The following SEMA3F variants were observed in gnomAD, a reference collection of about 807,000 sequenced individuals.
SEMA3F encodes the protein semaphorin 3F, also known as semaphorin-3F.
In SEMA3F, 30 loss-of-function variants were observed where a neutral mutation model predicts 98.5. The ratio of observed to expected loss-of-function variants is 0.30; its 90% CI spans 0.23 to 0.41. The LOEUF (loss-of-function observed/expected upper bound fraction) is 0.41. Ranked by LOEUF, SEMA3F falls within the 10% of genes least tolerant of loss-of-function variation. The probability of loss-of-function intolerance (pLI) is 1.00; values close to 1 mark genes in which losing one functional copy is unlikely to be tolerated. For synonymous variants in SEMA3F, 380 were observed against 444.8 expected (o/e 0.85, Z 1.83); for missense variants, 866 against 1,119.3 (o/e 0.77, Z 3.23).
At chr3:50,176,568 C>T (rs1559730666) in intron 6 of SEMA3F, among the ~76,000 whole-genome samples, 200 bp from the exon 7 acceptor site, 1 of 152,094 alleles carries the variant, frequency 6.6e-6, no homozygotes, top group South Asian at 2.1e-4. Context: ...CTAGGAAGCA[C>T]CCCCCTTGGA....
intron 2 of SEMA3F, among the ~76,000 whole-genome samples, chr3:50,163,303 TC>T (rs1698281184): frequency 6.6e-6 from 1 of 152,184 alleles, no homozygotes; most frequent in Admixed American, 6.5e-5. Flanking sequence ...AGGCTATAAA[TC>T]CGGCCCTCCA....
intron 7 of SEMA3F, among the ~76,000 whole-genome samples, chr3:50,178,992 C>T (rs957430827): frequency 6.6e-6 from 1 of 151,768 alleles, no homozygotes; most frequent in Non-Finnish European, 1.5e-5. Flanking sequence ...CCACCATACC[C>T]AGCTAATTTT....
intron 1 of SEMA3F, among the ~76,000 whole-genome samples, chr3:50,157,164 A>C (rs1410095043): frequency 7.0e-6 from 1 of 142,034 alleles, no homozygotes. Flanking sequence ...GTCCACCCCC[A>C]CCCCCAACTC....
intron 11 of SEMA3F, 55 bp from the exon 12 acceptor site, chr3:50,183,365 G>C: frequency 6.2e-7 from 1 of 1,607,532 alleles, no homozygotes. Context: ...GCAGTTTGGG[G>C]AGGGGCCCTA....
At position 50,182,359 on chromosome 3, in the gene SEMA3F, A is replaced by G; in HGVS notation, c.719A>G (p.Gln240Arg). ...DAAIFRTLGK[Q>R]TAMRTDQYNS... The stretch of plus-strand genomic sequence containing the variant: ...GCCATCTTCCGCACACTTGGAAAGC[A>G]GACAGCCATGCGCACGGATCAGTAC... Residue 240 changes from glutamine to arginine, a missense_variant, in exon 8 of 19, where the codon CAG becomes CGG. This residue lies in a region of SEMA3F where 374 missense variants were observed against 582.8 expected (regional missense o/e 0.64). Transcript: ENST00000002829. The surrounding 1 kb of genome is among the most constrained non-coding windows in gnomAD (Gnocchi z 4.5). 6.2e-7 allele frequency: 1 copy of G among 1,614,086 alleles called. No individual in the cohort carries two copies. Among genetic ancestry groups the G allele is most frequent in the Non-Finnish European group, 8.5e-7 (1 of 1,180,032 alleles).
At chr3:50,174,829 A>C (rs57547682) in intron 5 of SEMA3F, among the ~76,000 whole-genome samples, 115 of 151,806 alleles carry the variant, frequency 7.6e-4, no homozygotes, top group African/African-American at 2.7e-3. Context: ...GCCTGCTTCC[A>C]CCCTTTTCCA....
At chr3:50,186,539 G>A (rs995749493) in intron 17 of SEMA3F, 74 bp from the exon 18 acceptor site, 18 of 1,541,230 alleles carry the variant, frequency 1.2e-5, no homozygotes, top group South Asian at 3.7e-5. Flanking sequence ...GGTGCCCCTC[G>A]GTGCCTGCCC....
At chr3:50,169,366 G>C (rs935390666) in intron 2 of SEMA3F, among the ~76,000 whole-genome samples, 1 of 152,206 alleles carries the variant, frequency 6.6e-6, no homozygotes, top group Non-Finnish European at 1.5e-5. Context: ...GTGCCAGGCC[G>C]CTTTGGGCTG....
rs1249820711 is a variant in SEMA3F at position 50,174,109 on chromosome 3, G to A, written c.331G>A (p.Val111Ile). 6.2e-7 allele frequency: 1 copy of A among 1,614,142 alleles called. No individual in the cohort carries two copies. Among genetic ancestry groups the A allele is most frequent in the Non-Finnish European group, 8.5e-7 (1 of 1,180,006 alleles). Residue 111 changes from valine to isoleucine, a missense_variant, in exon 4 of 19, where the codon GTC (valine) becomes ATC (isoleucine). Physicochemically the swap from Val to Ile is conservative, Grantham distance 29. This residue lies in a region of SEMA3F where 247 missense variants were observed against 276.0 expected (regional missense o/e 0.89). Coordinates refer to ENST00000002829, the MANE Select transcript of SEMA3F (RefSeq NM_004186.5). ...GGAATGCGTGCTCTCAGGCAAGGAT[G>A]TCAACGTGAGTTTGGTGGGATCCAC... ...IEECVLSGKDVNGECGNFVRL... is the reference protein window; with the variant it reads ...IEECVLSGKDINGECGNFVRL...
At chr3:50,186,159 G>A (rs1699202466) in intron 16 of SEMA3F, 113 bp downstream of exon 16, 1 of 1,452,738 alleles carries the variant, frequency 6.9e-7, no homozygotes, top group African/African-American at 1.4e-5. Context: ...CCCTAGGGGA[G>A]TCTTATGGGT....
Position 50,182,660 on chromosome 3 carries a change from T to C in SEMA3F, c.780T>C (p.His260=), listed in dbSNP as rs923959560. The change falls in exon 9 of 19, where the codon CAT becomes CAC. Residue 260 remains histidine (H), a synonymous_variant. Transcript: ENST00000002829. This position sits in a 1 kb window ranked among gnomAD's most constrained non-coding sequence, Gnocchi z 4.5. ...CACCTGCAGACCCGTCGTTCATCCA[T>C]GCTGAGCTCATTCCTGACAGTGCGG... ...SRWLNDPSFI[H]AELIPDSAER... The C allele has an allele frequency of 6.2e-7, 1 of 1,613,554 alleles. No individual in the cohort carries two copies. The highest frequency in any genetic ancestry group is 8.5e-7 in the Non-Finnish European group (1 of 1,179,894).
intron 6 of SEMA3F, among the ~76,000 whole-genome samples, 200 bp from the exon 7 acceptor site, chr3:50,176,567 AC>A (rs926428355): frequency 3.3e-5 from 5 of 151,110 alleles, no homozygotes; most frequent in African/African-American, 4.9e-5. Context: ...ACTAGGAAGC[AC>A]CCCCCTTGGA....
In SEMA3F at chr3:50,173,914, G is replaced by A; in HGVS notation, c.234G>A (p.Leu78=). Residue 78 remains leucine (L), a synonymous_variant, in exon 3 of 19, where the codon CTG becomes CTA. Transcript: ENST00000002829. ...ACGTGGGCAGCAAGGACTACGTGCT[G>A]TCCCTGGACCTGCACGACATCAACC... ...RMYVGSKDYV[L]SLDLHDINRE... 6.2e-7 allele frequency: 1 copy of A among 1,614,168 alleles called. No homozygotes were observed. Among genetic ancestry groups the A allele is most frequent in the East Asian group, 2.2e-5 (1 of 44,886 alleles).
chr3:50,185,821 AG>A (rs1559739300), intron 15 of SEMA3F, 67 bp from the exon 16 acceptor site: 11 of 1,605,588 alleles, frequency 6.9e-6, no homozygotes, highest in Admixed American at 1.7e-5. Flanking sequence ...AGAGGAGCCC[AG>A]CCTAGCTGGC....
chr3:50,185,405 T>A, intron 13 of SEMA3F, 38 bp from the exon 14 acceptor site: 2,287 of 989,420 alleles, frequency 2.3e-3, no homozygotes, highest in Non-Finnish European at 3.3e-3. Context: ...TTCCCCAGCA[T>A]CCCCAGCCCC....
rs78974255 is a variant in SEMA3F at position 50,187,769 on chromosome 3, G to A, written c.2012G>A (p.Ser671Asn). Residue 671 changes from serine to asparagine, a missense_variant, in exon 19 of 19, where the codon AGC (serine) becomes AAC (asparagine). Ser to Asn is a conservative substitution (Grantham distance 46). This residue lies in a region of SEMA3F where 245 missense variants were observed against 260.5 expected (regional missense o/e 0.94). Coordinates refer to ENST00000002829, the MANE Select transcript of SEMA3F (RefSeq NM_004186.5). ...TTGTTGCTCCGTGCACTGCAGCTCA[G>A]CGATCGTGGCCTCTACTCCTGCACA... ...QGLLLRALQL[S>N]DRGLYSCTAT... 1 of 1,613,274 alleles carries A rather than the reference G, an allele frequency of 6.2e-7. No individual in the cohort carries two copies. Among genetic ancestry groups the A allele is most frequent in the African/African-American group, 1.3e-5 (1 of 75,054 alleles).
chr3:50,166,920 CG>C lies in SEMA3F; in HGVS notation c.113-6868del, dbSNP rs1010809444. Among the ~76,000 whole-genome samples, 2 of 151,912 alleles carry C rather than the reference CG, an allele frequency of 1.3e-5. No individual in the cohort carries two copies. The highest frequency in any genetic ancestry group is 6.6e-5 in the Admixed American group (1 of 15,252). Reference sequence around the variant, plus strand: ...ATGTGGGAGGAGGAGGTGGGTCCCCCGGGGGCCTCTGAAACTGGAGGCACTC... The same window carrying C: ...ATGTGGGAGGAGGAGGTGGGTCCCCCGGGGCCTCTGAAACTGGAGGCACTC... On this transcript the variant is annotated intron_variant, in intron 2 of 18. Coordinates refer to ENST00000002829, the MANE Select transcript of SEMA3F (RefSeq NM_004186.5). This position sits in a 1 kb window ranked among gnomAD's most constrained non-coding sequence, Gnocchi z 4.7.
At chr3:50,164,711 G>C (rs1698338675) in intron 2 of SEMA3F, among the ~76,000 whole-genome samples, 1 of 152,202 alleles carries the variant, frequency 6.6e-6, no homozygotes, top group Non-Finnish European at 1.5e-5. Flanking sequence ...TCTGAGCCCT[G>C]GTTTCTCCTG....
Position 50,182,312 on chromosome 3 carries a change from C to A in SEMA3F, c.672C>A (p.Ile224=), listed in dbSNP as rs759856982. The part of the protein sequence containing the change: ...INEELYAGVY[I]DFMGTDAAIF... ...AGGAGCTCTATGCTGGTGTGTACAT[C>A]GATTTTATGGGCACTGATGCAGCCA... The change falls in exon 8 of 19, where the codon ATC becomes ATA. Residue 224 remains isoleucine, a synonymous_variant. Coordinates refer to ENST00000002829, the MANE Select transcript of SEMA3F (RefSeq NM_004186.5). This position sits in a 1 kb window ranked among gnomAD's most constrained non-coding sequence, Gnocchi z 4.5. The A allele has an allele frequency of 6.2e-7, 1 of 1,613,978 alleles. No individual in the cohort carries two copies. Among genetic ancestry groups the A allele is most frequent in the Non-Finnish European group, 8.5e-7 (1 of 1,180,032 alleles).
Sources: allele counts gnomAD v4.1 joint callset (sites outside exome capture counted in the v4.1 genomes callset), GRCh38; gene constraint gnomAD v4.1.1; regional missense constraint gnomAD v4.1.1; non-coding constraint Gnocchi (gnomAD v3.1); transcripts MANE v1.5; gene names NCBI Gene and HGNC (gene_info 2026-07-23, HGNC 2026-07-21).